Variants in TNFSF4 observed in about 807,000 individuals in gnomAD.
TNFSF4 encodes TNF superfamily member 4.
TNFSF4 carries 4 observed loss-of-function variants against 7.3 expected under a neutral mutation model. The ratio of observed to expected loss-of-function variants is 0.55; its 90% CI spans 0.27 to 1.25. The LOEUF is 1.25. TNFSF4 is among the 50% of genes most tolerant of loss of function. TNFSF4 has a pLI of 0.12. For missense variants in TNFSF4, 181 were observed against 208.8 expected, an observed-to-expected ratio of 0.87 and a Z score of 0.82; for synonymous variants, 76 against 83.7, an observed-to-expected ratio of 0.91 and a Z score of 0.50.
chr1:173,293,789 G>GA, the TNFSF4 span, among the ~76,000 whole-genome samples: 1 of 151,648 alleles, frequency 6.6e-6, no homozygotes, highest in Non-Finnish European at 1.5e-5. Context: ...ATAACCCTGT[G>GA]AAAAAATGGG....
the TNFSF4 span, among the ~76,000 whole-genome samples, chr1:173,229,912 G>A: frequency 6.6e-6 from 1 of 151,956 alleles, no homozygotes; most frequent in African/African-American, 2.4e-5. Context: ...ACCCAATACA[G>A]GACCACCCAG....
the TNFSF4 span, among the ~76,000 whole-genome samples, chr1:173,331,995 G>A: frequency 6.6e-6 from 1 of 152,092 alleles, no homozygotes; most frequent in Non-Finnish European, 1.5e-5. Flanking sequence ...GGCCAGGGGT[G>A]CTGCCAAACA....
chr1:173,375,462 G>A, the TNFSF4 span, among the ~76,000 whole-genome samples: 1 of 152,186 alleles, frequency 6.6e-6, no homozygotes, highest in Admixed American at 6.5e-5. Flanking sequence ...GTCAAGTGGG[G>A]ACTTCAGGAA....
the TNFSF4 span, among the ~76,000 whole-genome samples, chr1:173,304,393 G>A: frequency 2.0e-5 from 3 of 151,818 alleles, no homozygotes; most frequent in Admixed American, 1.3e-4. Flanking sequence ...CTTCTTAACT[G>A]GGGGATACAT....
At chr1:173,354,997 G>C in the TNFSF4 span, among the ~76,000 whole-genome samples, 1 of 152,172 alleles carries the variant, frequency 6.6e-6, no homozygotes, top group Admixed American at 6.5e-5. Context: ...AGGTCTCACT[G>C]GGCTAAAACC....
chr1:173,403,763 G>A, the TNFSF4 span, among the ~76,000 whole-genome samples: 1 of 152,066 alleles, frequency 6.6e-6, no homozygotes, highest in East Asian at 1.9e-4. Context: ...TTAGCTGGGT[G>A]TGGTGGCGGG....
chr1:173,332,874 A>G, the TNFSF4 span, among the ~76,000 whole-genome samples: 2 of 152,172 alleles, frequency 1.3e-5, no homozygotes, highest in Admixed American at 6.5e-5. Flanking sequence ...ATAAATAAAC[A>G]TTTGTTGCAC....
At chr1:173,219,009 A>G in the TNFSF4 span, among the ~76,000 whole-genome samples, 1 of 152,310 alleles carries the variant, frequency 6.6e-6, no homozygotes. Flanking sequence ...CAATTGTATT[A>G]TATTCAAATT....
the TNFSF4 span, among the ~76,000 whole-genome samples, chr1:173,227,333 TTATATTTGATTA>T: frequency 6.6e-6 from 1 of 152,230 alleles, no homozygotes. Flanking sequence ...CAGTGTTTAC[TTATATTTGATTA>T]TATATTTGAT....
chr1:173,411,992 G>A, the TNFSF4 span, among the ~76,000 whole-genome samples: 14 of 150,426 alleles, frequency 9.3e-5, no homozygotes, highest in African/African-American at 3.2e-4. Context: ...GGTGGTGGGC[G>A]CTTGTAATCC....
upstream of TNFSF4, among the ~76,000 whole-genome samples, chr1:173,210,547 G>C (rs931361232): frequency 6.6e-6 from 1 of 152,166 alleles, no homozygotes; most frequent in African/African-American, 2.4e-5. Context: ...AGAATCTGTC[G>C]TAAATGGACT....
chr1:173,392,616 T>A, the TNFSF4 span, among the ~76,000 whole-genome samples: 1 of 152,194 alleles, frequency 6.6e-6, no homozygotes, highest in East Asian at 1.9e-4. Flanking sequence ...AGGTAAGTCC[T>A]TTGAGGAGAA....
the TNFSF4 span, among the ~76,000 whole-genome samples, chr1:173,357,156 CATG>C: frequency 6.6e-6 from 1 of 152,082 alleles, no homozygotes; most frequent in Admixed American, 6.5e-5. Context: ...TTCGATGATC[CATG>C]ATAAGGTTAG....
the TNFSF4 span, among the ~76,000 whole-genome samples, chr1:173,261,569 T>A: frequency 6.6e-6 from 1 of 151,862 alleles, no homozygotes; most frequent in African/African-American, 2.4e-5. Flanking sequence ...TAATAAAATA[T>A]ATAGACTGCT....
chr1:173,241,336 C>T, the TNFSF4 span, among the ~76,000 whole-genome samples: 1 of 152,216 alleles, frequency 6.6e-6, no homozygotes, highest in East Asian at 1.9e-4. Context: ...CTAGAAAAAT[C>T]CTGTGACCCC....
At chr1:173,283,190 C>T in the TNFSF4 span, among the ~76,000 whole-genome samples, 1 of 152,114 alleles carries the variant, frequency 6.6e-6, no homozygotes, top group Non-Finnish European at 1.5e-5. Context: ...AAGGACTCTC[C>T]AACTGTAAAG....
chr1:173,235,345 C>T, the TNFSF4 span, among the ~76,000 whole-genome samples: 3 of 152,184 alleles, frequency 2.0e-5, no homozygotes, highest in Non-Finnish European at 4.4e-5. Flanking sequence ...GCTTCCACCT[C>T]ACAGATTGAA....
chr1:173,388,590 C>G, the TNFSF4 span, among the ~76,000 whole-genome samples: 1 of 152,190 alleles, frequency 6.6e-6, no homozygotes, highest in East Asian at 1.9e-4. Context: ...TGTGATATCA[C>G]AACGGACTGG....
the TNFSF4 span, among the ~76,000 whole-genome samples, chr1:173,226,307 G>A: frequency 1.3e-4 from 20 of 152,288 alleles, no homozygotes; most frequent in African/African-American, 4.8e-4. Flanking sequence ...TATCTCTCCA[G>A]TGGAATGTGG....
Sources: gnomAD v4.1 joint callset for allele counts (sites outside exome capture counted in the v4.1 genomes callset) on GRCh38, gnomAD v4.1.1 for gene constraint, MANE v1.5 for transcripts, NCBI Gene and HGNC (gene_info 2026-07-23, HGNC 2026-07-21) for gene names.